PKDCC: variants seen among roughly 807,000 people sequenced by gnomAD.
PKDCC encodes extracellular tyrosine-protein kinase PKDCC.
A neutral mutation model predicts 44.7 loss-of-function variants in PKDCC; 35 were observed. The ratio of observed to expected loss-of-function variants is 0.78; its 90% CI spans 0.60 to 1.04. The LOEUF is 1.04. Ranked by LOEUF, PKDCC falls within the 50% of genes least tolerant of loss-of-function variation. The probability of loss-of-function intolerance (pLI) is 0.00; values close to 1 mark genes in which losing one functional copy is unlikely to be tolerated. For synonymous variants in PKDCC, 353 were observed against 303.3 expected (o/e 1.16, Z -1.70); for missense variants, 738 against 672.7 (o/e 1.10, Z -1.07).
chr2:42,053,983 A>C, intron 2 of PKDCC, 53 bp from the exon 3 acceptor site: 2 of 1,573,276 alleles, frequency 1.3e-6, no homozygotes, highest in Non-Finnish European at 8.6e-7. Flanking sequence ...CGAGTCCCAC[A>C]GACCCCCAAC....
Position 42,048,355 on chromosome 2 carries a change from C to T in PKDCC, c.156C>T (p.Gly52=), listed in dbSNP as rs1350035467. The T allele has an allele frequency of 3.4e-6, 4 of 1,166,500 alleles. No homozygotes were observed. Among genetic ancestry groups the T allele is most frequent in the Middle Eastern group, 3.6e-4 (1 of 2,814 alleles). The allele number at this position is 1,166,500 out of a possible 1,614,324, so 72.3% of individuals were successfully genotyped here. A position where few individuals can be genotyped will look rare whatever the true frequency, so the allele number is the denominator to read the frequency against. ...SPAPGPGRRG[G]RGELARQIRA... is the part of the protein sequence containing the mutation. ...CCCCGGGTCCGGGCCGTCGCGGGGG[C>T]CGCGGGGAGCTGGCCCGGCAGATCC... Residue 52 remains glycine (G), a synonymous_variant, in exon 1 of 7, where the codon GGC becomes GGT. Coordinates refer to ENST00000294964, the MANE Select transcript of PKDCC (RefSeq NM_138370.3). This position sits in a 1 kb window ranked among gnomAD's most constrained non-coding sequence, Gnocchi z 6.2.
At position 42,054,381 on chromosome 2, in the gene PKDCC, A is replaced by G. The variant is rs1274847539; in HGVS notation, c.1034+74A>G. 6.7e-7 allele frequency: 1 copy of G among 1,498,112 alleles called. No homozygotes were observed. The highest frequency in any genetic ancestry group is 9.0e-7 in the Non-Finnish European group (1 of 1,112,754). The allele number at this position is 1,498,112 out of a possible 1,614,324, so 92.8% of individuals were successfully genotyped here. ...GGAGGGCATGGCAGGAAGAGAGCCAACGTGGAGGCCAGCTGGGCAGGGAGA... is the reference window on the plus strand; with the variant it reads ...GGAGGGCATGGCAGGAAGAGAGCCAGCGTGGAGGCCAGCTGGGCAGGGAGA... On this transcript the variant is annotated intron_variant, in intron 3 of 6. Transcript: ENST00000294964. The surrounding 1 kb of genome is among the most constrained non-coding windows in gnomAD (Gnocchi z 6.1).
Position 42,054,094 on chromosome 2 carries a change from T to G in PKDCC, c.821T>G (p.Val274Gly). 1 of 1,612,764 alleles carries G rather than the reference T, an allele frequency of 6.2e-7. No individual in the cohort carries two copies. Among genetic ancestry groups the G allele is most frequent in the Non-Finnish European group, 8.5e-7 (1 of 1,179,864 alleles). Residue 274 changes from valine (V) to glycine (G), a missense_variant, in exon 3 of 7, where the codon GTC (valine) becomes GGC (glycine). Val to Gly is a moderately radical substitution (Grantham distance 109). Coordinates refer to ENST00000294964, the MANE Select transcript of PKDCC (RefSeq NM_138370.3). This position sits in a 1 kb window ranked among gnomAD's most constrained non-coding sequence, Gnocchi z 6.1. ...HHLAHSPLGS[V>G]TLLDFRPRQF... The stretch of plus-strand genomic sequence containing the variant: ...CTGGCCCACTCCCCACTGGGCTCCG[T>G]CACTCTGCTGGACTTCCGCCCTCGG...
chr2:42,055,314 C>T lies in PKDCC; in HGVS notation c.1143C>T (p.Thr381=). 6.2e-7 allele frequency: 1 copy of T among 1,613,540 alleles called. No individual in the cohort carries two copies. The highest frequency in any genetic ancestry group is 8.5e-7 in the Non-Finnish European group (1 of 1,179,972). Residue 381 remains threonine (T), a synonymous_variant, in exon 5 of 7, where the codon ACC becomes ACT. Coordinates refer to ENST00000294964, the MANE Select transcript of PKDCC (RefSeq NM_138370.3). This position sits in a 1 kb window ranked among gnomAD's most constrained non-coding sequence, Gnocchi z 4.5. Reference sequence around the variant, plus strand: ...AGCTCGCCTGGGGGGTGGACGAGACCCTGGCCCAGCTGGAGAAGGTGCTGC... The same window carrying T: ...AGCTCGCCTGGGGGGTGGACGAGACTCTGGCCCAGCTGGAGAAGGTGCTGC... ...TGELAWGVDE[T]LAQLEKVLHL...
chr2:42,051,936 G>GT lies in PKDCC; in HGVS notation c.640-1302dup. ...CACCGCATAGCTCTCCTCTCCCTGA[G>GT]TCGGGCCTGGACAACTCAGCCTTCG... On this transcript the variant is annotated intron_variant, in intron 1 of 6. Coordinates refer to ENST00000294964, the MANE Select transcript of PKDCC (RefSeq NM_138370.3). This position sits in a 1 kb window ranked among gnomAD's most constrained non-coding sequence, Gnocchi z 4.2. Among the ~76,000 whole-genome samples, 1 of 152,126 alleles carries GT rather than the reference G, an allele frequency of 6.6e-6. No homozygotes were observed. Among genetic ancestry groups the GT allele is most frequent in the Non-Finnish European group, 1.5e-5 (1 of 68,006 alleles).
At chr2:42,053,616 C>T in intron 2 of PKDCC, 1 of 550,476 alleles carries the variant, frequency 1.8e-6, no homozygotes, top group Non-Finnish European at 3.1e-6. Context: ...GGGCTGGCAC[C>T]TTAAAGAGGG....
In PKDCC at chr2:42,051,057, T is replaced by G. The variant is rs1667958120; in HGVS notation, c.640-2182T>G. Reference sequence around the variant, plus strand: ...AGGAGTTAGAGAACATTTCTAGAGTTCCTAGTGGTGCAGGCTCACCACCCT... The same window carrying G: ...AGGAGTTAGAGAACATTTCTAGAGTGCCTAGTGGTGCAGGCTCACCACCCT... On this transcript the variant is annotated intron_variant, in intron 1 of 6. Coordinates refer to ENST00000294964, the MANE Select transcript of PKDCC (RefSeq NM_138370.3). This position sits in a 1 kb window ranked among gnomAD's most constrained non-coding sequence, Gnocchi z 4.2. 6.6e-6 allele frequency among the ~76,000 whole-genome samples: 1 copy of G among 152,126 alleles called. No individual in the cohort carries two copies. Among genetic ancestry groups the G allele is most frequent in the Non-Finnish European group, 1.5e-5 (1 of 68,006 alleles).
Position 42,054,222 on chromosome 2 carries a change from C to G in PKDCC, c.949C>G (p.Pro317Ala), listed in dbSNP as rs759389470. The G allele has an allele frequency of 2.5e-6, 4 of 1,603,882 alleles. No homozygotes were observed. The highest frequency in any genetic ancestry group is 3.4e-6 in the Non-Finnish European group (4 of 1,174,902). ...AGSTDCILEF[P>A]ARNFTLPCSA... ...CAGCACCGACTGCATACTCGAGTTT[C>G]CGGCCAGGAACTTCACCCTGCCCTG... The change falls in exon 3 of 7, where the codon CCG (proline) becomes GCG (alanine). Residue 317 changes from proline (P) to alanine (A), a missense_variant. Physicochemically the swap from Pro to Ala is conservative, Grantham distance 27. Coordinates refer to ENST00000294964, the MANE Select transcript of PKDCC (RefSeq NM_138370.3). This position sits in a 1 kb window ranked among gnomAD's most constrained non-coding sequence, Gnocchi z 6.1.
In PKDCC at chr2:42,052,025, T is replaced by C. The variant is rs1038088384; in HGVS notation, c.640-1214T>C. ...ATACGAGCCCCTAGCTGCTGTGGAGTATGTTGGAAGAGCCAGGGGGATGCC... is the reference window on the plus strand; with the variant it reads ...ATACGAGCCCCTAGCTGCTGTGGAGCATGTTGGAAGAGCCAGGGGGATGCC... On this transcript the variant is annotated intron_variant, in intron 1 of 6. Transcript: ENST00000294964. The surrounding 1 kb of genome is among the most constrained non-coding windows in gnomAD (Gnocchi z 4.3). 1.3e-5 allele frequency among the ~76,000 whole-genome samples: 2 copies of C among 151,680 alleles called. No individual in the cohort carries two copies. The highest frequency in any genetic ancestry group is 2.9e-5 in the Non-Finnish European group (2 of 67,934).
intron 6 of PKDCC, 53 bp from the exon 7 acceptor site, chr2:42,057,550 G>T: frequency 6.3e-7 from 1 of 1,588,666 alleles, no homozygotes; most frequent in Non-Finnish European, 8.6e-7. Context: ...GAATGGTCTT[G>T]CCTCCAGAAA....
Position 42,054,412 on chromosome 2 carries a change from C to G in PKDCC, c.1034+105C>G, listed in dbSNP as rs913254067. 2 of 1,364,098 alleles carry G rather than the reference C, an allele frequency of 1.5e-6. No homozygotes were observed. Among genetic ancestry groups the G allele is most frequent in the Non-Finnish European group, 2.0e-6 (2 of 1,003,398 alleles). The allele number at this position is 1,364,098 out of a possible 1,614,324, so 84.5% of individuals were successfully genotyped here. On this transcript the variant is annotated intron_variant, in intron 3 of 6. Transcript: ENST00000294964. The surrounding 1 kb of genome is among the most constrained non-coding windows in gnomAD (Gnocchi z 6.1). ...AGGCCAGCTGGGCAGGGAGACTCAGCCTTGACCAGAGCAAGGGAAGGCTTC... is the reference window on the plus strand; with the variant it reads ...AGGCCAGCTGGGCAGGGAGACTCAGGCTTGACCAGAGCAAGGGAAGGCTTC...
Position 42,057,365 on chromosome 2 carries a change from T to C in PKDCC, c.1367T>C (p.Phe456Ser). Reference protein sequence around the residue: ...VCESHAQCRAFVVTNQTTWTG... With the variant: ...VCESHAQCRASVVTNQTTWTG... ...GAGAGCCATGCCCAGTGTCGGGCCT[T>C]TGTGGTCACCAACCAGACCACCTGG... Residue 456 changes from phenylalanine to serine, a missense_variant, in exon 6 of 7, where the codon TTT becomes TCT. Transcript: ENST00000294964. 1 of 1,614,132 alleles carries C rather than the reference T, an allele frequency of 6.2e-7. No homozygotes were observed. Among genetic ancestry groups the C allele is most frequent in the Non-Finnish European group, 8.5e-7 (1 of 1,180,020 alleles).
At position 42,048,469 on chromosome 2, in the gene PKDCC, G is replaced by A. The variant is rs1475182718; in HGVS notation, c.270G>A (p.Leu90=). The A allele has an allele frequency of 1.9e-6, 2 of 1,056,654 alleles. No individual in the cohort carries two copies. Among genetic ancestry groups the A allele is most frequent in the African/African-American group, 3.4e-5 (2 of 58,028 alleles). 65.5% of individuals were successfully genotyped at this position (1,056,654 alleles called of 1,614,324 possible). The change falls in exon 1 of 7, where the codon CTG becomes CTA. Residue 90 remains leucine (L), a synonymous_variant. Transcript: ENST00000294964. This position sits in a 1 kb window ranked among gnomAD's most constrained non-coding sequence, Gnocchi z 6.2. ...GRPERRRLMD[L]APGGPGLPRP... ...CGGAGCGGCGGCGCCTGATGGACCT[G>A]GCTCCGGGCGGGCCCGGCCTGCCGC...
rs1449631793 is a variant in PKDCC at position 42,048,662 on chromosome 2, G to A, written c.463G>A (p.Val155Ile). 10 of 1,546,056 alleles carry A rather than the reference G, an allele frequency of 6.5e-6. No homozygotes were observed. Among genetic ancestry groups the A allele is most frequent in the Admixed American group, 2.0e-5 (1 of 50,964 alleles). ...GSGYTKAVYR[V>I]RLPGGAAVAL... ...AGGCTACACCAAGGCCGTGTACCGG[G>A]TCCGCCTGCCCGGCGGTGCCGCGGT... is the stretch of plus-strand genomic sequence containing the variant. Residue 155 changes from valine (V) to isoleucine (I), a missense_variant, in exon 1 of 7, where the codon GTC (valine) becomes ATC (isoleucine). Physicochemically the swap from Val to Ile is conservative, Grantham distance 29. Transcript: ENST00000294964. The surrounding 1 kb of genome is among the most constrained non-coding windows in gnomAD (Gnocchi z 6.2).
Position 42,048,712 on chromosome 2 carries a change from C to A in PKDCC, c.513C>A (p.Ser171Arg). ...AAVALKAVDF[S>R]GHDLGSCVRE... is the part of the protein sequence containing the mutation. ...TGGCGCTCAAGGCGGTGGACTTTAG[C>A]GGCCACGATCTGGGCAGCTGCGTGC... The change falls in exon 1 of 7, where the codon AGC becomes AGA. Residue 171 changes from serine (S) to arginine (R), a missense_variant. By Grantham distance (110) the Ser-to-Arg change is moderately radical. Coordinates refer to ENST00000294964, the MANE Select transcript of PKDCC (RefSeq NM_138370.3). The surrounding 1 kb of genome is among the most constrained non-coding windows in gnomAD (Gnocchi z 6.2). 2 of 1,557,508 alleles carry A rather than the reference C, an allele frequency of 1.3e-6. No individual in the cohort carries two copies. The highest frequency in any genetic ancestry group is 1.7e-6 in the Non-Finnish European group (2 of 1,152,116).
rs1479888890 is a variant in PKDCC at position 42,055,720 on chromosome 2, T to A, written c.1222+327T>A. 1 of 254,838 alleles carries A rather than the reference T, an allele frequency of 3.9e-6. No individual in the cohort carries two copies. Among genetic ancestry groups the A allele is most frequent in the African/African-American group, 2.2e-5 (1 of 45,038 alleles). The allele number at this position is 254,838 out of a possible 1,614,324, so 15.8% of individuals were successfully genotyped here. A position where few individuals can be genotyped will look rare whatever the true frequency, so the allele number is the denominator to read the frequency against. ...GAACCTCACTTTCCTCATCTGTGAA[T>A]TGGGTTCACTATTACCCACCTCACC... is the stretch of plus-strand genomic sequence containing the variant. On this transcript the variant is annotated intron_variant, in intron 5 of 6. Coordinates refer to ENST00000294964, the MANE Select transcript of PKDCC (RefSeq NM_138370.3). This position sits in a 1 kb window ranked among gnomAD's most constrained non-coding sequence, Gnocchi z 4.5.
chr2:42,048,316 T>C lies in PKDCC; in HGVS notation c.117T>C (p.Pro39=). The C allele has an allele frequency of 4.2e-6, 5 of 1,197,930 alleles. No individual in the cohort carries two copies. The highest frequency in any genetic ancestry group is 5.2e-6 in the Non-Finnish European group (5 of 965,166). The allele number at this position is 1,197,930 out of a possible 1,614,324, so 74.2% of individuals were successfully genotyped here. A position where few individuals can be genotyped will look rare whatever the true frequency, so the allele number is the denominator to read the frequency against. ...GSEPPRPGQS[P]EPSPAPGPGR... ...AGCCTCCGAGGCCAGGCCAGTCCCC[T>C]GAGCCTTCGCCGGCCCCGGGTCCGG... is the stretch of plus-strand genomic sequence containing the variant. The change falls in exon 1 of 7, where the codon CCT becomes CCC. Residue 39 remains proline (P), a synonymous_variant. Transcript: ENST00000294964. This position sits in a 1 kb window ranked among gnomAD's most constrained non-coding sequence, Gnocchi z 6.2.
At position 42,057,280 on chromosome 2, in the gene PKDCC, TACC is replaced by T; in HGVS notation, c.1288_1290del (p.His430del). 1 of 1,614,222 alleles carries T rather than the reference TACC, an allele frequency of 6.2e-7. No homozygotes were observed. On this transcript the variant is annotated inframe_deletion, in exon 6 of 7. Transcript: ENST00000294964. Reference sequence around the variant, plus strand: ...GGAAGACTACCGCTGCTGGCCATCCTACCACCACGGGAGCTGCCTCCTTTCAGT... The same window carrying T: ...GGAAGACTACCGCTGCTGGCCATCCTACCACGGGAGCTGCCTCCTTTCAGT...
At chr2:42,049,227 A>G (rs1283594784) in intron 1 of PKDCC, among the ~76,000 whole-genome samples, 1 of 152,158 alleles carries the variant, frequency 6.6e-6, no homozygotes, top group South Asian at 2.1e-4. Flanking sequence ...CAGAATTCCA[A>G]CTGTGTGATA....
Sources: gnomAD v4.1 joint callset for allele counts (sites outside exome capture counted in the v4.1 genomes callset) on GRCh38, gnomAD v4.1.1 for gene constraint, Gnocchi (gnomAD v3.1) non-coding constraint, MANE v1.5 for transcripts, NCBI Gene and HGNC (gene_info 2026-07-23, HGNC 2026-07-21) for gene names.